GRAMD4: variants seen among roughly 807,000 people sequenced by gnomAD.
The protein encoded by GRAMD4 is GRAM domain containing 4.
A neutral mutation model predicts 83.9 loss-of-function variants in GRAMD4; 25 were observed. The observed-to-expected ratio is 0.30, with a 90% confidence interval of 0.22 to 0.42. The LOEUF is 0.42. Among genes scored for constraint, GRAMD4 ranks in the 10% least tolerant of loss-of-function variants. The probability of loss-of-function intolerance (pLI) is 1.00; values close to 1 mark genes in which losing one functional copy is unlikely to be tolerated. For synonymous variants in GRAMD4, 336 were observed against 320.9 expected, an observed-to-expected ratio of 1.05 and a Z score of -0.50; for missense variants, 593 against 788.7, an observed-to-expected ratio of 0.75 and a Z score of 2.97.
Position 46,679,452 on chromosome 22 carries a change from G to A in GRAMD4, c.*2201G>A, listed in dbSNP as rs1005618108. 50 of 985,448 alleles carry A rather than the reference G, an allele frequency of 5.1e-5. No homozygotes were observed. The highest frequency in any genetic ancestry group is 5.2e-4 in the Middle Eastern group (1 of 1,936). 61.0% of individuals were successfully genotyped at this position (985,448 alleles called of 1,614,324 possible). On this transcript the variant is annotated 3_prime_UTR_variant, in exon 19 of 19. Coordinates refer to ENST00000406902, the MANE Select transcript of GRAMD4 (RefSeq NM_015124.5). ...CCCCTCCCTGGAAGTCCTCGGGAGCGGAGCGCGGATCGGCACGGGCTCTGG... is the reference window on the plus strand; with the variant it reads ...CCCCTCCCTGGAAGTCCTCGGGAGCAGAGCGCGGATCGGCACGGGCTCTGG...
chr22:46,667,011 G>A (rs548033887), intron 10 of GRAMD4, 138 bp downstream of exon 10: 6 of 569,018 alleles, frequency 1.1e-5, no homozygotes, highest in African/African-American at 3.9e-5. Flanking sequence ...GGCCTGAAGA[G>A]GAGGGGAGGA....
intron 1 of GRAMD4, among the ~76,000 whole-genome samples, chr22:46,585,322 C>A (rs1165876457): frequency 6.6e-6 from 1 of 151,976 alleles, no homozygotes; most frequent in Non-Finnish European, 1.5e-5. Flanking sequence ...TCCCGAGTAG[C>A]TGGAACTACA....
intron 1 of GRAMD4, among the ~76,000 whole-genome samples, chr22:46,605,426 ATCTCT>A (rs2081355480): frequency 6.6e-6 from 1 of 152,260 alleles, no homozygotes; most frequent in Admixed American, 6.5e-5. Flanking sequence ...GTATGCAAAT[ATCTCT>A]TCAAGACCTT....
At chr22:46,589,979 G>A (rs2081190775) in intron 1 of GRAMD4, among the ~76,000 whole-genome samples, 1 of 152,244 alleles carries the variant, frequency 6.6e-6, no homozygotes, top group Admixed American at 6.5e-5. Flanking sequence ...CCTGCGGCAT[G>A]TATTGGTGGG....
chr22:46,647,293 C>A (rs145417727), intron 3 of GRAMD4, among the ~76,000 whole-genome samples: 416 of 152,316 alleles, frequency 2.7e-3, no homozygotes, highest in African/African-American at 9.6e-3. Flanking sequence ...ATGAAGTTGG[C>A]CCCCAATCCC....
chr22:46,649,191 G>T (rs551374163), intron 3 of GRAMD4, among the ~76,000 whole-genome samples: 83 of 152,350 alleles, frequency 5.4e-4, no homozygotes, highest in African/African-American at 1.9e-3. Context: ...TGGAACTGGA[G>T]TTGGGGAGTG....
Position 46,665,799 on chromosome 22 carries a change from A to G in GRAMD4, c.809+93A>G, listed in dbSNP as rs2082399775. ...CTCACAACCGTGACCCCAGCTGGGT[A>G]TGTCATGCACTGACGTTTTGGGGGT... On this transcript the variant is annotated intron_variant, in intron 9 of 18. Coordinates refer to ENST00000406902, the MANE Select transcript of GRAMD4 (RefSeq NM_015124.5). 42 of 747,286 alleles carry G rather than the reference A, an allele frequency of 5.6e-5. No individual in the cohort carries two copies. In the South Asian group the frequency reaches 6.4e-4, roughly 11 times the overall value. 46.3% of individuals were successfully genotyped at this position (747,286 alleles called of 1,614,324 possible).
At chr22:46,666,993 C>T in intron 10 of GRAMD4, 120 bp downstream of exon 10, 1 of 671,780 alleles carries the variant, frequency 1.5e-6, no homozygotes, top group Non-Finnish European at 2.4e-6. Context: ...CCCCTGGAGT[C>T]CTGGCCTGGC....
chr22:46,641,011 G>C (rs1029581786), intron 3 of GRAMD4, among the ~76,000 whole-genome samples: 30 of 152,302 alleles, frequency 2.0e-4, no homozygotes, highest in African/African-American at 6.5e-4. Context: ...AAATTTCCCT[G>C]ATAGGGATCG....
At chr22:46,656,273 A>T (rs2082243234) in intron 3 of GRAMD4, among the ~76,000 whole-genome samples, 1 of 152,228 alleles carries the variant, frequency 6.6e-6, no homozygotes, top group Non-Finnish European at 1.5e-5. Context: ...AACAGCGAGT[A>T]ACAGCATCCA....
Position 46,674,640 on chromosome 22 carries a change from G to T in GRAMD4, c.1385-17G>T. On this transcript the variant is annotated splice_polypyrimidine_tract_variant and intron_variant, in intron 15 of 18. Coordinates refer to ENST00000406902, the MANE Select transcript of GRAMD4 (RefSeq NM_015124.5). ...ACTTCCAGTGGAAAGTGTGACAGGCGGGCCTTCTCCCATTAGTGTGCGAGA... is the reference window on the plus strand; with the variant it reads ...ACTTCCAGTGGAAAGTGTGACAGGCTGGCCTTCTCCCATTAGTGTGCGAGA... 1 of 1,559,608 alleles carries T rather than the reference G, an allele frequency of 6.4e-7. No individual in the cohort carries two copies. The highest frequency in any genetic ancestry group is 8.8e-7 in the Non-Finnish European group (1 of 1,130,662).
intron 4 of GRAMD4, among the ~76,000 whole-genome samples, chr22:46,658,514 G>T (rs925083094): frequency 6.6e-6 from 1 of 152,146 alleles, no homozygotes; most frequent in Non-Finnish European, 1.5e-5. Context: ...TTGGGAATGT[G>T]TCATCTTCCT....
intron 2 of GRAMD4, among the ~76,000 whole-genome samples, chr22:46,636,459 A>T (rs1407565218): frequency 2.0e-5 from 3 of 152,236 alleles, no homozygotes; most frequent in African/African-American, 7.2e-5. Context: ...CGGGGCAGCC[A>T]CAGCCAGAGT....
At chr22:46,680,494 C>G (rs9615401), downstream of GRAMD4, among the ~76,000 whole-genome samples, 33,576 of 150,928 alleles carry the variant, frequency 0.22, 4,595 homozygotes, top group East Asian at 0.38. Context: ...AGGACATATG[C>G]GTACTCCATC....
At chr22:46,594,205 C>A (rs776258887) in intron 1 of GRAMD4, among the ~76,000 whole-genome samples, 2 of 151,858 alleles carry the variant, frequency 1.3e-5, no homozygotes, top group African/African-American at 2.4e-5. Context: ...TCTGTGTGTC[C>A]TGTGCTCTCC....
chr22:46,680,705 T>TCCATCCACCCACCCACCCAC (rs2082662231), downstream of GRAMD4, among the ~76,000 whole-genome samples: 2 of 135,556 alleles, frequency 1.5e-5, no homozygotes, highest in Non-Finnish European at 1.6e-5. Context: ...CACCCATCCA[T>TCCATCCACCCACCCACCCAC]CCATCCATCC....
chr22:46,608,090 C>T (rs1200353772), intron 1 of GRAMD4, among the ~76,000 whole-genome samples: 3 of 152,174 alleles, frequency 2.0e-5, no homozygotes, highest in South Asian at 2.1e-4. Context: ...GTGCGTGGCT[C>T]GGTCATTGTG....
intron 2 of GRAMD4, among the ~76,000 whole-genome samples, chr22:46,629,451 C>G (rs1299584570): frequency 6.6e-6 from 1 of 152,168 alleles, no homozygotes; most frequent in African/African-American, 2.4e-5. Context: ...TTTGCGAAGC[C>G]TCGTTCCTGT....
At chr22:46,667,995 A>G (rs2082436120) in intron 10 of GRAMD4, 101 bp from the exon 11 acceptor site, 1 of 792,740 alleles carries the variant, frequency 1.3e-6, no homozygotes, top group Non-Finnish European at 2.1e-6. Context: ...GTGTGGGGAC[A>G]GCAGAGTCCC....
Sources: allele counts gnomAD v4.1 joint callset (sites outside exome capture counted in the v4.1 genomes callset), GRCh38; gene constraint gnomAD v4.1.1; transcripts MANE v1.5; gene names NCBI Gene and HGNC (gene_info 2026-07-23, HGNC 2026-07-21).